The following DRC5 variants were observed in gnomAD, a reference collection of about 807,000 sequenced individuals.
The protein encoded by DRC5 is T-complex-associated testis-expressed protein 1.
the DRC5 span, among the ~76,000 whole-genome samples, chr6:44,293,596 C>CT: frequency 3.3e-5 from 5 of 152,228 alleles, no homozygotes; most frequent in Non-Finnish European, 5.9e-5. Context: ...GGGCCAGCGT[C>CT]TGAGGGCAGG....
At chr6:44,279,517 G>C in the DRC5 span, 1 of 152,268 alleles carries the variant, frequency 6.6e-6, no homozygotes, top group East Asian at 1.9e-4. Context: ...CAGGGATTGT[G>C]TCATCCTTCC....
chr6:44,280,851 T>C, the DRC5 span, among the ~76,000 whole-genome samples: 2 of 152,218 alleles, frequency 1.3e-5, no homozygotes, highest in African/African-American at 2.4e-5. Context: ...TAGCGAGGCA[T>C]TGGCCATGAG....
the DRC5 span, among the ~76,000 whole-genome samples, chr6:44,281,385 A>G: frequency 6.6e-6 from 1 of 152,212 alleles, no homozygotes; most frequent in African/African-American, 2.4e-5. Flanking sequence ...GTGTTCATGT[A>G]AATTGCATTT....
chr6:44,295,706 T>C, the DRC5 span, among the ~76,000 whole-genome samples: 5 of 152,188 alleles, frequency 3.3e-5, no homozygotes, highest in African/African-American at 9.7e-5. Flanking sequence ...CAATAACATG[T>C]ACATAGCAGG....
At chr6:44,296,315 T>C in the DRC5 span, among the ~76,000 whole-genome samples, 1 of 152,228 alleles carries the variant, frequency 6.6e-6, no homozygotes, top group Non-Finnish European at 1.5e-5. Flanking sequence ...GGTGCTGACC[T>C]AAATAGTCCA....
the DRC5 span, among the ~76,000 whole-genome samples, chr6:44,294,408 C>A: frequency 2.0e-5 from 3 of 151,966 alleles, no homozygotes; most frequent in Non-Finnish European, 2.9e-5. Flanking sequence ...TATTCCACAC[C>A]TTAGTGTGAA....
the DRC5 span, chr6:44,280,235 G>A: frequency 6.2e-7 from 1 of 1,614,198 alleles, no homozygotes; most frequent in African/African-American, 1.3e-5. Context: ...TGAAGTGGCT[G>A]GGATTCAGGG....
chr6:44,288,056 C>T, the DRC5 span: 1 of 459,114 alleles, frequency 2.2e-6, no homozygotes, highest in South Asian at 5.1e-5. Context: ...TGGCCTTGGG[C>T]AAGTTACTGA....
At chr6:44,286,036 C>T in the DRC5 span, 3 of 1,614,116 alleles carry the variant, frequency 1.9e-6, no homozygotes, top group Non-Finnish European at 2.5e-6. Flanking sequence ...GGAAGAGATT[C>T]CACTCGAAAT....
chr6:44,297,166 G>A, the DRC5 span, among the ~76,000 whole-genome samples: 1 of 152,166 alleles, frequency 6.6e-6, no homozygotes, highest in East Asian at 1.9e-4. Flanking sequence ...GTGTAGAGGC[G>A]CTGGCTTCTC....
At chr6:44,279,748 G>GGGGTGTGTGTGTGTGTGTGTGTGT in the DRC5 span, 1 of 135,342 alleles carries the variant, frequency 7.4e-6, no homozygotes, top group African/African-American at 2.8e-5. Context: ...GTAGCCAGAG[G>GGGGTGTGTGTGTGTGTGTGTGTGT]GTGTGTGTGT....
chr6:44,287,455 AC>A, the DRC5 span: 1 of 1,312,734 alleles, frequency 7.6e-7, no homozygotes, highest in Non-Finnish European at 1.1e-6. Flanking sequence ...CTGCCCCAGG[AC>A]CCAGCTTCTG....
the DRC5 span, chr6:44,286,218 G>C: frequency 6.2e-7 from 1 of 1,611,890 alleles, no homozygotes; most frequent in Non-Finnish European, 8.5e-7. Context: ...TGCACCGGCG[G>C]AAGGAACTGA....
chr6:44,280,273 C>T, the DRC5 span: 10 of 1,614,200 alleles, frequency 6.2e-6, no homozygotes, highest in East Asian at 2.2e-5. Context: ...TCTCGGTTTG[C>T]GTAGAGGGCC....
the DRC5 span, among the ~76,000 whole-genome samples, chr6:44,290,573 C>A: frequency 1.3e-5 from 2 of 152,124 alleles, no homozygotes; most frequent in East Asian, 1.9e-4. Flanking sequence ...GTGTTGGGGG[C>A]TCATAGACAG....
At chr6:44,281,296 A>T in the DRC5 span, among the ~76,000 whole-genome samples, 20 of 152,256 alleles carry the variant, frequency 1.3e-4, no homozygotes, top group African/African-American at 4.6e-4. Flanking sequence ...GAAGCATTTT[A>T]AAAAATACAA....
the DRC5 span, among the ~76,000 whole-genome samples, chr6:44,297,321 C>G: frequency 6.6e-6 from 1 of 152,248 alleles, no homozygotes; most frequent in Non-Finnish European, 1.5e-5. Context: ...TGGGACCGCT[C>G]TCCTCCACGC....
At chr6:44,286,354 T>C in the DRC5 span, 2 of 1,614,034 alleles carry the variant, frequency 1.2e-6, no homozygotes, top group Non-Finnish European at 1.7e-6. Context: ...AGAACATGCG[T>C]TTCCAGCTGC....
the DRC5 span, among the ~76,000 whole-genome samples, chr6:44,284,015 G>A: frequency 1.3e-5 from 2 of 152,090 alleles, no homozygotes; most frequent in African/African-American, 4.8e-5. Flanking sequence ...GCCTTACACT[G>A]GTTTTAAACA....
Sources: gnomAD v4.1 joint callset for allele counts (sites outside exome capture counted in the v4.1 genomes callset) on GRCh38, gnomAD v4.1.1 for gene constraint, MANE v1.5 for transcripts, NCBI Gene and HGNC (gene_info 2026-07-23, HGNC 2026-07-21) for gene names.